Variants in ARHGEF37 observed in about 807,000 individuals in gnomAD.
The protein encoded by ARHGEF37 is Rho guanine nucleotide exchange factor (GEF) 37.
A neutral mutation model predicts 71.1 loss-of-function variants in ARHGEF37; 55 were observed. That is an observed-to-expected ratio of 0.77 (90% CI 0.62 to 0.97). The LOEUF (loss-of-function observed/expected upper bound fraction) is 0.97. ARHGEF37 is among the 50% of genes least tolerant of loss of function. The probability of loss-of-function intolerance (pLI) is 0.00; values close to 1 mark genes in which losing one functional copy is unlikely to be tolerated. For synonymous variants in ARHGEF37, 327 were observed against 350.6 expected (o/e 0.93, Z 0.75); for missense variants, 765 against 836.8 (o/e 0.91, Z 1.06).
chr5:149,602,060 T>C (rs1763772570), intron 3 of ARHGEF37, among the ~76,000 whole-genome samples: 1 of 35,004 alleles, frequency 2.9e-5, no homozygotes. Context: ...CTTTTCTTTC[T>C]TTTTTTTTTT....
upstream of ARHGEF37, among the ~76,000 whole-genome samples, chr5:149,580,445 T>G (rs1212778938): frequency 6.6e-6 from 1 of 152,156 alleles, no homozygotes; most frequent in African/African-American, 2.4e-5. Flanking sequence ...GAGACACTTT[T>G]CTGGTTTTCA....
intron 10 of ARHGEF37, among the ~76,000 whole-genome samples, chr5:149,625,775 A>T (rs964920918): frequency 2.0e-5 from 3 of 151,192 alleles, no homozygotes. Context: ...ACACACACAC[A>T]CACAAACCTC....
At chr5:149,609,379 G>GA (rs937472691) in intron 3 of ARHGEF37, among the ~76,000 whole-genome samples, 169 bp from the exon 4 acceptor site, 1 of 152,036 alleles carries the variant, frequency 6.6e-6, no homozygotes, top group African/African-American at 2.4e-5. Flanking sequence ...GTGAAAAGAT[G>GA]AAAAAAACAG....
At chr5:149,584,729 C>G (rs1041691791) in intron 1 of ARHGEF37, among the ~76,000 whole-genome samples, 6 of 152,116 alleles carry the variant, frequency 3.9e-5, no homozygotes, top group African/African-American at 1.4e-4. Flanking sequence ...CCTGCCTCAG[C>G]CTCCTGAGTA....
chr5:149,609,833 G>C, intron 4 of ARHGEF37, 138 bp downstream of exon 4: 1 of 1,244,206 alleles, frequency 8.0e-7, no homozygotes, highest in South Asian at 1.5e-5. Context: ...AGTCAGGATA[G>C]GGCAGGCTGT....
intron 1 of ARHGEF37, among the ~76,000 whole-genome samples, chr5:149,585,022 T>A (rs969190752): frequency 1.4e-4 from 22 of 152,212 alleles, no homozygotes; most frequent in African/African-American, 5.3e-4. Context: ...AGAATATATA[T>A]GGGTGGCAAA....
In ARHGEF37 at chr5:149,557,779, A is replaced by C. The variant is rs77870785; in HGVS notation, c.-12+5656A>C. The stretch of plus-strand genomic sequence containing the variant: ...ATTAACCATACATTTATTTCAATTA[A>C]TGTTATTTTTTGAATATATTTATTC... On this transcript the variant is annotated intron_variant, in intron 1 of 2. Coordinates refer to the ARHGEF37 transcript ENST00000505810. Among the ~76,000 whole-genome samples the C allele has an allele frequency of 1.9e-4, 29 of 152,096 alleles. 1 individual carries two copies. The East Asian group carries it at 5.4e-3, about 28-fold the overall frequency.
At chr5:149,584,133 A>T (rs1244461679) in intron 1 of ARHGEF37, among the ~76,000 whole-genome samples, 1 of 152,160 alleles carries the variant, frequency 6.6e-6, no homozygotes, top group Non-Finnish European at 1.5e-5. Context: ...CTTTAAATCT[A>T]TGGATCCAAA....
chr5:149,592,168 T>A (rs1349116736), intron 1 of ARHGEF37, among the ~76,000 whole-genome samples: 4 of 152,216 alleles, frequency 2.6e-5, no homozygotes, highest in Non-Finnish European at 4.4e-5. Flanking sequence ...GTGTTTGTGT[T>A]TGATTGTTCT....
At chr5:149,631,180 CTT>C (rs746935448) in intron 12 of ARHGEF37, among the ~76,000 whole-genome samples, 5 of 126,960 alleles carry the variant, frequency 3.9e-5, no homozygotes, top group Non-Finnish European at 3.4e-5. Flanking sequence ...TTCTTTTTTT[CTT>C]TTTTTTTTTT....
At chr5:149,618,853 T>C (rs1434951677) in intron 6 of ARHGEF37, 85 bp from the exon 7 acceptor site, 2 of 1,102,646 alleles carry the variant, frequency 1.8e-6, no homozygotes, top group Non-Finnish European at 2.8e-6. Flanking sequence ...GTGGAAAGGT[T>C]GTCCCAGTGA....
intron 10 of ARHGEF37, among the ~76,000 whole-genome samples, chr5:149,624,634 C>T (rs138262764): frequency 0.021 from 1,801 of 87,004 alleles, 35 homozygotes; most frequent in African/African-American, 0.093. Flanking sequence ...ATTAGCTGAG[C>T]GTGGTGGTGT....
intron 9 of ARHGEF37, 71 bp downstream of exon 9, chr5:149,622,133 G>A: frequency 1.4e-5 from 20 of 1,436,640 alleles, no homozygotes; most frequent in East Asian, 2.5e-5. Context: ...TCAGCCAGCT[G>A]TGTGTAGGGG....
intron 12 of ARHGEF37, 87 bp from the exon 13 acceptor site, chr5:149,631,895 A>T: frequency 7.2e-7 from 1 of 1,394,730 alleles, no homozygotes; most frequent in South Asian, 1.3e-5. Flanking sequence ...AGCCAGGTGG[A>T]TGGGAACAGG....
chr5:149,594,366 T>C (rs1763488413), intron 1 of ARHGEF37, among the ~76,000 whole-genome samples: 1 of 152,216 alleles, frequency 6.6e-6, no homozygotes, highest in African/African-American at 2.4e-5. Context: ...AATGTTGCCA[T>C]TCAGGCCAGG....
chr5:149,589,656 C>T (rs142569694), intron 1 of ARHGEF37, among the ~76,000 whole-genome samples: 8 of 152,110 alleles, frequency 5.3e-5, no homozygotes, highest in Middle Eastern at 3.4e-3. Context: ...CCCGCCATCA[C>T]GCCTGACTAA....
chr5:149,558,820 A>G (rs536375103), intron 1 of ARHGEF37, among the ~76,000 whole-genome samples: 1 of 151,870 alleles, frequency 6.6e-6, no homozygotes, highest in East Asian at 1.9e-4. Context: ...AATTCAGATA[A>G]ATCGGAAAAA....
intron 1 of ARHGEF37, among the ~76,000 whole-genome samples, chr5:149,571,096 C>T (rs374275978): frequency 6.6e-6 from 1 of 151,168 alleles, no homozygotes; most frequent in Non-Finnish European, 1.5e-5. Flanking sequence ...GCATGCGCCA[C>T]CACGCCCAGC....
intron 10 of ARHGEF37, among the ~76,000 whole-genome samples, chr5:149,624,499 C>G (rs576361074): frequency 6.6e-6 from 1 of 152,228 alleles, no homozygotes; most frequent in South Asian, 2.1e-4. Context: ...CTTGGCCAGG[C>G]ATAGTAGCTC....
Sources: allele counts gnomAD v4.1 joint callset (sites outside exome capture counted in the v4.1 genomes callset), GRCh38; gene constraint gnomAD v4.1.1; transcripts MANE v1.5; gene names NCBI Gene and HGNC (gene_info 2026-07-23, HGNC 2026-07-21).